COL4A3: variants seen among roughly 807,000 people sequenced by gnomAD.
COL4A3 encodes the protein collagen alpha-3(IV) chain.
Under a neutral mutation model 217.4 loss-of-function variants are expected in COL4A3, and 135 were observed. That is an observed-to-expected ratio of 0.62 (90% CI 0.54 to 0.72). COL4A3 has a LOEUF of 0.72. Ranked by LOEUF, COL4A3 falls within the 30% of genes least tolerant of loss-of-function variation. The pLI is 0.00. For synonymous variants in COL4A3, 690 were observed against 736.3 expected (o/e 0.94, Z 1.02); for missense variants, 1,868 against 2,119.9 (o/e 0.88, Z 2.33).
intron 1 of COL4A3, among the ~76,000 whole-genome samples, chr2:227,188,875 A>T (rs1402339101): frequency 6.6e-6 from 1 of 152,180 alleles, no homozygotes; most frequent in Non-Finnish European, 1.5e-5. Flanking sequence ...GTATAGTAAG[A>T]GTTATGGACC....
chr2:227,164,903 G>T lies in COL4A3; in HGVS notation c.87+90G>T. On this transcript the variant is annotated intron_variant, in intron 1 of 51. Transcript: ENST00000396578. The surrounding 1 kb of genome is among the most constrained non-coding windows in gnomAD (Gnocchi z 4.8). Reference sequence around the variant, plus strand: ...GCGCTGGCCCCACCCGCAGCGGCGCGGTAGTGGAGCGGCTGCCGGGCTAGT... The same window carrying T: ...GCGCTGGCCCCACCCGCAGCGGCGCTGTAGTGGAGCGGCTGCCGGGCTAGT... The T allele has an allele frequency of 7.3e-7, 1 of 1,363,724 alleles. No homozygotes were observed. The allele number at this position is 1,363,724 out of a possible 1,614,324, so 84.5% of individuals were successfully genotyped here.
chr2:227,209,667 C>T (rs1436298593), intron 1 of COL4A3, among the ~76,000 whole-genome samples: 1 of 152,112 alleles, frequency 6.6e-6, no homozygotes, highest in Non-Finnish European at 1.5e-5. Context: ...TGGTGAAACC[C>T]CATCTCTACT....
chr2:227,204,044 C>T (rs571817149), intron 1 of COL4A3, among the ~76,000 whole-genome samples: 1 of 152,060 alleles, frequency 6.6e-6, no homozygotes, highest in African/African-American at 2.4e-5. Context: ...TGGTAAGAAC[C>T]TTTATAGTAT....
intron 14 of COL4A3, 111 bp downstream of exon 14, chr2:227,254,285 A>G: frequency 2.1e-6 from 2 of 931,588 alleles, no homozygotes; most frequent in African/African-American, 3.4e-5. Flanking sequence ...AAAGTAAAGG[A>G]ATAAAAGAAT....
intron 16 of COL4A3, 41 bp downstream of exon 16, chr2:227,256,111 A>T: frequency 6.4e-7 from 1 of 1,565,472 alleles, no homozygotes; most frequent in East Asian, 2.2e-5. Flanking sequence ...TAAAAATGTC[A>T]GTCCTACTAG....
chr2:227,208,096 C>G (rs949653779), intron 1 of COL4A3, among the ~76,000 whole-genome samples: 1 of 150,980 alleles, frequency 6.6e-6, no homozygotes, highest in African/African-American at 2.4e-5. Flanking sequence ...CTAACTTAAC[C>G]AACTCTATTT....
intron 44 of COL4A3, among the ~76,000 whole-genome samples, chr2:227,303,615 A>G (rs533033031): frequency 6.6e-6 from 1 of 152,336 alleles, no homozygotes; most frequent in African/African-American, 2.4e-5. Flanking sequence ...TTAAAATACA[A>G]GTTCTTAATG....
At chr2:227,234,692 G>A (rs1233466435) in intron 1 of COL4A3, among the ~76,000 whole-genome samples, 1 of 152,226 alleles carries the variant, frequency 6.6e-6, no homozygotes, top group East Asian at 1.9e-4. Context: ...AACTGCAGAG[G>A]CTCAATGGGA....
intron 20 of COL4A3, 72 bp downstream of exon 20, chr2:227,261,189 T>G (rs1228630937): frequency 8.1e-7 from 1 of 1,230,588 alleles, no homozygotes; most frequent in Non-Finnish European, 1.2e-6. Flanking sequence ...TCTATTAAGT[T>G]TACATTATTT....
At chr2:227,275,598 C>G (rs778838426) in intron 26 of COL4A3, among the ~76,000 whole-genome samples, 2 of 152,084 alleles carry the variant, frequency 1.3e-5, no homozygotes, top group South Asian at 2.1e-4. Context: ...AAATAAATGA[C>G]TATATGGACA....
intron 9 of COL4A3, among the ~76,000 whole-genome samples, chr2:227,248,836 ATTTG>A: frequency 6.6e-6 from 1 of 152,208 alleles, no homozygotes; most frequent in Non-Finnish European, 1.5e-5. Flanking sequence ...CTTAATTTGT[ATTTG>A]TTGAAAATAA....
At chr2:227,203,948 C>T (rs1380300217) in intron 1 of COL4A3, among the ~76,000 whole-genome samples, 1 of 152,060 alleles carries the variant, frequency 6.6e-6, no homozygotes, top group Non-Finnish European at 1.5e-5. Flanking sequence ...GGATTCCCAG[C>T]TCCCAGACCA....
In COL4A3 at chr2:227,202,735, T is replaced by TTAAA. The variant is rs774121334; in HGVS notation, c.88-35233_88-35232insTAAA. On this transcript the variant is annotated intron_variant, in intron 1 of 51. Coordinates refer to ENST00000396578, the MANE Select transcript of COL4A3 (RefSeq NM_000091.5). The stretch of plus-strand genomic sequence containing the variant: ...GGGAGAAAGTGCGAGAATCCGTCTC[T>TTAAA]AAAAAAAAAAAATATATATATATAT... 7.7e-3 allele frequency among the ~76,000 whole-genome samples: 342 copies of TTAAA among 44,544 alleles called. 6 individuals are homozygous for TTAAA. Among genetic ancestry groups the TTAAA allele is most frequent in the African/African-American group, 0.033 (303 of 9,150 alleles). 29.2% of individuals were successfully genotyped at this position (44,544 alleles called of 152,430 possible).
At chr2:227,218,517 A>G (rs375228665) in intron 1 of COL4A3, among the ~76,000 whole-genome samples, 1 of 152,100 alleles carries the variant, frequency 6.6e-6, no homozygotes, top group Non-Finnish European at 1.5e-5. Context: ...TTTTATTAGG[A>G]TATGATAATG....
Position 227,312,763 on chromosome 2 carries a change from C to T in COL4A3, c.*893C>T, listed in dbSNP as rs7587228. ...CACTTTATCCTCATTCCATAAATGT[C>T]GGTGCATACCTTATGTAAGGGAGCA... is the stretch of plus-strand genomic sequence containing the variant. On this transcript the variant is annotated 3_prime_UTR_variant, in exon 52 of 52. Transcript: ENST00000396578. 132,798 of 152,638 alleles carry T rather than the reference C, an allele frequency of 0.87. 57,979 individuals carry two copies. The highest frequency in any genetic ancestry group is 0.91 in the Non-Finnish European group (61,943 of 68,030). 9.5% of individuals were successfully genotyped at this position (152,638 alleles called of 1,614,324 possible). A position where few individuals can be genotyped will look rare whatever the true frequency, so the allele number is the denominator to read the frequency against.
chr2:227,285,080 C>T (rs1390181644), intron 34 of COL4A3, among the ~76,000 whole-genome samples: 1 of 151,758 alleles, frequency 6.6e-6, no homozygotes, highest in Admixed American at 6.6e-5. Context: ...GCAGATCAGA[C>T]TCTCATAGCA....
intron 34 of COL4A3, among the ~76,000 whole-genome samples, chr2:227,288,118 C>T (rs553915382): frequency 1.1e-4 from 17 of 152,272 alleles, no homozygotes; most frequent in Non-Finnish European, 1.6e-4. Context: ...TATTTTGAGA[C>T]GGAGTCTCGC....
At chr2:227,272,100 T>C (rs2071276069) in intron 25 of COL4A3, among the ~76,000 whole-genome samples, 1 of 152,212 alleles carries the variant, frequency 6.6e-6, no homozygotes, top group Non-Finnish European at 1.5e-5. Context: ...GTGCCAGCAG[T>C]TCTCAGACCC....
intron 25 of COL4A3, 47 bp downstream of exon 25, chr2:227,270,999 A>G (rs772569010): frequency 2.0e-5 from 31 of 1,586,986 alleles, no homozygotes; most frequent in Non-Finnish European, 2.5e-5. Flanking sequence ...AGTACTCTGA[A>G]GTTAAGAGAT....
Sources: allele counts gnomAD v4.1 joint callset (sites outside exome capture counted in the v4.1 genomes callset), GRCh38; gene constraint gnomAD v4.1.1; non-coding constraint Gnocchi (gnomAD v3.1); transcripts MANE v1.5; gene names NCBI Gene and HGNC (gene_info 2026-07-23, HGNC 2026-07-21).